EYS: variants seen among roughly 807,000 people sequenced by gnomAD.
EYS encodes EGF-like photoreceptor maintenance factor.
EYS carries 250 observed loss-of-function variants against 282.1 expected under a neutral mutation model. The ratio of observed to expected loss-of-function variants is 0.89; its 90% CI spans 0.80 to 0.98. EYS has a LOEUF of 0.98. EYS is among the 50% of genes least tolerant of loss of function. The probability of loss-of-function intolerance (pLI) is 0.00; values close to 1 mark genes in which losing one functional copy is unlikely to be tolerated. For synonymous variants in EYS, 1,355 were observed against 1,282.9 expected, an observed-to-expected ratio of 1.06 and a Z score of -1.20; for missense variants, 4,016 against 3,709.0, an observed-to-expected ratio of 1.08 and a Z score of -2.15.
At chr6:65,470,035 T>A (rs1765152401) in intron 5 of EYS, among the ~76,000 whole-genome samples, 1 of 152,162 alleles carries the variant, frequency 6.6e-6, no homozygotes, top group Admixed American at 6.5e-5. Context: ...AGGAAAAGGA[T>A]GTTTCTAGAG....
At chr6:65,322,835 C>T (rs1036730672) in intron 11 of EYS, among the ~76,000 whole-genome samples, 4 of 149,600 alleles carry the variant, frequency 2.7e-5, no homozygotes, top group African/African-American at 9.8e-5. Flanking sequence ...AAAGTCCAGG[C>T]CAGACTCCAT....
intron 12 of EYS, among the ~76,000 whole-genome samples, chr6:65,088,754 G>A (rs1345784638): frequency 6.6e-6 from 1 of 152,126 alleles, no homozygotes; most frequent in Non-Finnish European, 1.5e-5. Context: ...GTGTGTCAGA[G>A]ACCTTCATGG....
intron 13 of EYS, among the ~76,000 whole-genome samples, chr6:65,048,066 G>A (rs1440068291): frequency 3.3e-5 from 5 of 151,938 alleles, no homozygotes; most frequent in Non-Finnish European, 7.4e-5. Context: ...GTCATGTAGT[G>A]TAGCTTCTTG....
chr6:64,545,004 T>G (rs1392667049), intron 26 of EYS, among the ~76,000 whole-genome samples: 5 of 152,150 alleles, frequency 3.3e-5, no homozygotes, highest in African/African-American at 1.2e-4. Flanking sequence ...GAGGGATTCC[T>G]CCCTAACTCA....
chr6:64,799,841 G>A (rs975898677), intron 22 of EYS, among the ~76,000 whole-genome samples: 5 of 151,738 alleles, frequency 3.3e-5, no homozygotes, highest in African/African-American at 1.2e-4. Flanking sequence ...AGTTTAATCT[G>A]CAGTTTCTTT....
intron 35 of EYS, among the ~76,000 whole-genome samples, chr6:63,888,841 C>G (rs902775431): frequency 6.6e-6 from 1 of 152,178 alleles, no homozygotes; most frequent in African/African-American, 2.4e-5. Flanking sequence ...ACAAACTCCT[C>G]TGAGCTAAAG....
rs549621764 is a variant in EYS, at chr6:64,303,613, C to T, written c.6191+3357G>A. On this transcript the variant is annotated intron_variant, in intron 30 of 42. Coordinates refer to ENST00000503581, the MANE Select transcript of EYS (RefSeq NM_001142800.2). ...ATCCCAGCACTTTGGGAGGCCGAGACGGGCGGATCACGAGGTCAGGAGATC... is the reference window on the plus strand; with the variant it reads ...ATCCCAGCACTTTGGGAGGCCGAGATGGGCGGATCACGAGGTCAGGAGATC... Among the ~76,000 whole-genome samples the T allele has an allele frequency of 1.4e-4, 21 of 152,004 alleles. No individual in the cohort carries two copies. In the East Asian group the frequency reaches 2.1e-3, roughly 15 times the overall value.
At chr6:65,616,526 A>T (rs1277415180) in intron 2 of EYS, among the ~76,000 whole-genome samples, 3 of 152,188 alleles carry the variant, frequency 2.0e-5, no homozygotes, top group African/African-American at 7.2e-5. Flanking sequence ...AGTGGATCAC[A>T]CCTGTAATCC....
intron 33 of EYS, among the ~76,000 whole-genome samples, chr6:64,032,069 G>A (rs1005782223): frequency 4.6e-5 from 7 of 152,186 alleles, no homozygotes; most frequent in South Asian, 4.2e-4. Context: ...TGAAGCCAGC[G>A]AGACCACGAA....
Position 64,488,175 on chromosome 6 carries a change from T to A in EYS, c.5645-48823A>T, listed in dbSNP as rs143931098. Among the ~76,000 whole-genome samples the A allele has an allele frequency of 1.9e-3, 286 of 151,254 alleles. 3 individuals are homozygous for A. The East Asian group carries it at 0.033, about 18-fold the overall frequency. The stretch of plus-strand genomic sequence containing the variant: ...TAATACAATTTAAAAAAATAATCTC[T>A]TCTGATAATTCAATATTAATAAATT... On this transcript the variant is annotated intron_variant, in intron 26 of 42. Transcript: ENST00000503581.
At chr6:63,908,789 T>C (rs1167925385) in intron 35 of EYS, among the ~76,000 whole-genome samples, 1 of 152,168 alleles carries the variant, frequency 6.6e-6, no homozygotes, top group Admixed American at 6.5e-5. Context: ...TCATTTTCTA[T>C]CTAAATGGCT....
chr6:64,447,758 A>G (rs148010344), intron 26 of EYS, among the ~76,000 whole-genome samples: 1 of 152,346 alleles, frequency 6.6e-6, no homozygotes, highest in Non-Finnish European at 1.5e-5. Flanking sequence ...ATGAAAATAG[A>G]TTATTGCAAG....
intron 2 of EYS, among the ~76,000 whole-genome samples, chr6:65,537,957 T>C (rs1203545443): frequency 6.6e-6 from 1 of 152,116 alleles, no homozygotes; most frequent in Non-Finnish European, 1.5e-5. Flanking sequence ...TCAGGCTGAG[T>C]CTGAATCTGA....
intron 1 of EYS, among the ~76,000 whole-genome samples, chr6:65,671,852 AT>A (rs1768399713): frequency 6.6e-6 from 1 of 152,134 alleles, no homozygotes; most frequent in South Asian, 2.1e-4. Flanking sequence ...CATATGTCTA[AT>A]GTTCAGATTT....
Position 63,847,479 on chromosome 6 carries a change from T to C in EYS, c.7228+16707A>G, listed in dbSNP as rs180825941. 4.6e-5 allele frequency among the ~76,000 whole-genome samples: 7 copies of C among 152,258 alleles called. No homozygotes were observed. The East Asian group carries it at 1.4e-3, about 29-fold the overall frequency. ...TTCTCTCTTTTTCCAAATTAATTTT[T>C]GTCTTAGAAATGCATAATGATAGAC... On this transcript the variant is annotated intron_variant, in intron 36 of 42. Transcript: ENST00000503581.
intron 31 of EYS, among the ~76,000 whole-genome samples, chr6:64,161,776 G>T (rs992136819): frequency 6.6e-6 from 1 of 152,080 alleles, no homozygotes; most frequent in Non-Finnish European, 1.5e-5. Flanking sequence ...AATAAGAAGG[G>T]ACTCAGATGA....
At chr6:63,816,806 C>T (rs1162751605) in intron 36 of EYS, among the ~76,000 whole-genome samples, 3 of 152,198 alleles carry the variant, frequency 2.0e-5, no homozygotes, top group Non-Finnish European at 4.4e-5. Flanking sequence ...AAACGTAATA[C>T]CCAATAAATG....
At chr6:65,194,504 A>G (rs1158435475) in intron 12 of EYS, among the ~76,000 whole-genome samples, 1 of 151,936 alleles carries the variant, frequency 6.6e-6, no homozygotes, top group Admixed American at 6.6e-5. Context: ...TTTTTTGCCT[A>G]GCCATTCCAC....
chr6:64,364,002 C>A (rs1447600353), intron 29 of EYS, among the ~76,000 whole-genome samples: 1 of 151,850 alleles, frequency 6.6e-6, no homozygotes, highest in Non-Finnish European at 1.5e-5. Context: ...TCTACCCTGT[C>A]TTATCTTCAG....
Sources: gnomAD v4.1 joint callset for allele counts (sites outside exome capture counted in the v4.1 genomes callset) on GRCh38, gnomAD v4.1.1 for gene constraint, MANE v1.5 for transcripts, NCBI Gene and HGNC (gene_info 2026-07-23, HGNC 2026-07-21) for gene names.